Variants in USH2A observed in about 807,000 individuals in gnomAD.
USH2A encodes the protein Usher syndrome 2A (autosomal recessive, mild).
USH2A carries 443 observed loss-of-function variants against 538.9 expected under a neutral mutation model. The observed-to-expected ratio is 0.82, with a 90% CI of 0.76 to 0.89. USH2A has a LOEUF of 0.89. Ranked by LOEUF, USH2A falls within the 40% of genes least tolerant of loss-of-function variation. USH2A has a pLI of 0.00. For synonymous variants in USH2A, 2,413 were observed against 2,273.5 expected (o/e 1.06, Z -1.75); for missense variants, 6,633 against 6,324.8 (o/e 1.05, Z -1.65).
chr1:215,977,796 C>G (rs1157555543), intron 35 of USH2A, among the ~76,000 whole-genome samples: 1 of 152,162 alleles, frequency 6.6e-6, no homozygotes, highest in East Asian at 1.9e-4. Context: ...CAGGCATGAG[C>G]CACTGCCACC....
intron 11 of USH2A, among the ~76,000 whole-genome samples, chr1:216,258,225 A>C (rs1314665618): frequency 6.6e-6 from 1 of 152,038 alleles, no homozygotes; most frequent in African/African-American, 2.4e-5. Context: ...TCTTGCTCTT[A>C]AGATTTATTA....
Position 215,641,950 on chromosome 1 carries a change from T to G in USH2A, c.14792-1216A>C, listed in dbSNP as rs1045013904. Reference sequence around the variant, plus strand: ...ATGCTTTTCCAACATTGATTCTGCCTGATATCACAAGGAATACTCTATTGT... The same window carrying G: ...ATGCTTTTCCAACATTGATTCTGCCGGATATCACAAGGAATACTCTATTGT... On this transcript the variant is annotated intron_variant, in intron 67 of 71. Coordinates refer to ENST00000307340, the MANE Select transcript of USH2A (RefSeq NM_206933.4). 3.9e-5 allele frequency among the ~76,000 whole-genome samples: 6 copies of G among 152,218 alleles called. No homozygotes were observed. The East Asian group carries it at 7.7e-4, about 20-fold the overall frequency.
Position 215,779,917 on chromosome 1 carries a change from T to A in USH2A, c.10865A>T (p.Glu3622Val). 1.2e-6 allele frequency: 2 copies of A among 1,614,146 alleles called. No individual in the cohort carries two copies. The highest frequency in any genetic ancestry group is 1.7e-6 in the Non-Finnish European group (2 of 1,180,030). Residue 3622 changes from glutamate (E) to valine (V), a missense_variant, in exon 55 of 72, where the codon GAG becomes GTG. Transcript: ENST00000307340. The stretch of plus-strand genomic sequence containing the variant: ...TTTCCCAACCTGCCTGATCTGGTAC[T>A]CTTTAATGACGCCGTTTGATTTCTC... ...VPEKSNGVIKEYQIRQVGKGL... is the reference protein window; with the variant it reads ...VPEKSNGVIKVYQIRQVGKGL...
At chr1:216,174,280 C>T in intron 21 of USH2A, 1 of 980,604 alleles carries the variant, frequency 1.0e-6, no homozygotes. Flanking sequence ...AAATGAACAT[C>T]TTTATGAGTT....
rs1194150971 is a variant in USH2A, at chr1:216,078,195, A to G, written c.5466T>C (p.His1822=). The G allele has an allele frequency of 6.2e-7, 1 of 1,613,812 alleles. No homozygotes were observed. The highest frequency in any genetic ancestry group is 1.7e-5 in the Admixed American group (1 of 59,960). The change falls in exon 27 of 72, where the codon CAT becomes CAC. Residue 1822 remains histidine, a synonymous_variant. Transcript: ENST00000307340. ...ISASVNGLMK[H]ASESGDQPLV... ...GTGGCTGGTCTCCGGACTCCGATGC[A>G]TGCTTCATCAGTCCATTCACACTTG...
At chr1:216,081,914 T>TA (rs1246418819) in intron 26 of USH2A, among the ~76,000 whole-genome samples, 3 of 151,986 alleles carry the variant, frequency 2.0e-5, no homozygotes, top group Admixed American at 6.6e-5. Flanking sequence ...TTTAATTTTT[T>TA]TTTTTTAGTA....
At position 216,096,318 on chromosome 1, in the gene USH2A, A is replaced by T. The variant is rs538227069; in HGVS notation, c.4758+765T>A. Reference sequence around the variant, plus strand: ...ACTTAATATTTGCTATTTCCTTAATATTTGCTGCTCACTTTGCCTGGAAAC... The same window carrying T: ...ACTTAATATTTGCTATTTCCTTAATTTTTGCTGCTCACTTTGCCTGGAAAC... On this transcript the variant is annotated intron_variant, in intron 22 of 71. Transcript: ENST00000307340. Among the ~76,000 whole-genome samples, 29 of 152,228 alleles carry T rather than the reference A, an allele frequency of 1.9e-4. 1 individual carries two copies. The South Asian group carries it at 4.4e-3, about 23-fold the overall frequency.
chr1:216,391,848 T>C (rs1318242200), intron 3 of USH2A, among the ~76,000 whole-genome samples: 1 of 152,226 alleles, frequency 6.6e-6, no homozygotes, highest in East Asian at 1.9e-4. Context: ...AATCCTATAT[T>C]GAACCAACTT....
intron 4 of USH2A, among the ~76,000 whole-genome samples, chr1:216,364,539 T>A (rs1432628071): frequency 2.6e-5 from 4 of 152,174 alleles, no homozygotes; most frequent in African/African-American, 9.7e-5. Flanking sequence ...TCCTCCTGAC[T>A]GTGAGTGGGC....
intron 61 of USH2A, among the ~76,000 whole-genome samples, chr1:215,704,948 G>A (rs1205582848): frequency 2.0e-5 from 3 of 152,096 alleles, no homozygotes; most frequent in African/African-American, 4.8e-5. Context: ...AGGGACTAGG[G>A]ATACAAAATA....
intron 36 of USH2A, among the ~76,000 whole-genome samples, chr1:215,969,675 G>A (rs557567347): frequency 5.9e-5 from 9 of 152,052 alleles, no homozygotes; most frequent in African/African-American, 1.4e-4. Context: ...GCTCAGCTCC[G>A]CCGATGGATG....
At chr1:216,216,449 A>G (rs889400666) in intron 15 of USH2A, among the ~76,000 whole-genome samples, 4 of 151,870 alleles carry the variant, frequency 2.6e-5, no homozygotes, top group African/African-American at 9.7e-5. Flanking sequence ...CCCCCCTTAA[A>G]TGTAGATAGC....
intron 61 of USH2A, among the ~76,000 whole-genome samples, chr1:215,700,048 G>T (rs1304449984): frequency 6.6e-6 from 1 of 152,138 alleles, no homozygotes; most frequent in Non-Finnish European, 1.5e-5. Flanking sequence ...GGCCTTTTCT[G>T]CATCTATTGA....
At chr1:216,419,416 T>C (rs2039638169) in intron 2 of USH2A, among the ~76,000 whole-genome samples, 1 of 152,154 alleles carries the variant, frequency 6.6e-6, no homozygotes, top group Admixed American at 6.6e-5. Context: ...TATCAAATTA[T>C]TTTAAGTTAT....
intron 70 of USH2A, chr1:215,630,261 CTG>C (rs1558029234): frequency 2.2e-6 from 1 of 457,292 alleles, no homozygotes; most frequent in South Asian, 1.5e-5. Context: ...CAGAGTCAAA[CTG>C]AGAACAAATG....
intron 21 of USH2A, among the ~76,000 whole-genome samples, chr1:216,148,063 C>T (rs527751309): frequency 7.9e-5 from 12 of 151,108 alleles, no homozygotes; most frequent in South Asian, 4.2e-4. Context: ...CCATCACGGA[C>T]GCCGAGCTTC....
At chr1:216,379,745 G>A (rs1184738627) in intron 3 of USH2A, among the ~76,000 whole-genome samples, 1 of 152,156 alleles carries the variant, frequency 6.6e-6, no homozygotes, top group East Asian at 1.9e-4. Context: ...AAGCTAGAAA[G>A]GTTCTATTTC....
chr1:216,139,269 C>A (rs551146997), intron 21 of USH2A, among the ~76,000 whole-genome samples: 35 of 151,786 alleles, frequency 2.3e-4, no homozygotes, highest in Non-Finnish European at 3.7e-4. Flanking sequence ...GAAATTGCTC[C>A]CAGGGGTTTA....
At position 216,267,413 on chromosome 1, in the gene USH2A, A is replaced by G. The variant is rs978180095; in HGVS notation, c.1972-16315T>C. Reference sequence around the variant, plus strand: ...ATGAGCCTAGACAAGTCTTTTAAGGAGTTTTGCCAAAAAGGAGAGCAGGAC... The same window carrying G: ...ATGAGCCTAGACAAGTCTTTTAAGGGGTTTTGCCAAAAAGGAGAGCAGGAC... On this transcript the variant is annotated intron_variant, in intron 11 of 71. Coordinates refer to ENST00000307340, the MANE Select transcript of USH2A (RefSeq NM_206933.4). 2.6e-5 allele frequency among the ~76,000 whole-genome samples: 4 copies of G among 152,226 alleles called. No individual in the cohort carries two copies. The South Asian group carries it at 8.3e-4, about 32-fold the overall frequency.
Sources: allele counts gnomAD v4.1 joint callset (sites outside exome capture counted in the v4.1 genomes callset), GRCh38; gene constraint gnomAD v4.1.1; transcripts MANE v1.5; gene names NCBI Gene and HGNC (gene_info 2026-07-23, HGNC 2026-07-21).